The following NRCAM variants were observed in gnomAD, a reference collection of about 807,000 sequenced individuals.
The protein encoded by NRCAM is NgCAM-related cell adhesion molecule.
Under a neutral mutation model 156.5 loss-of-function variants are expected in NRCAM, and 83 were observed. The ratio of observed to expected loss-of-function variants is 0.53; its 90% CI spans 0.44 to 0.64. The LOEUF (loss-of-function observed/expected upper bound fraction) is 0.64. NRCAM is among the 30% of genes least tolerant of loss of function. The pLI is 0.00. For missense variants in NRCAM, 1,417 were observed against 1,597.3 expected, an observed-to-expected ratio of 0.89 and a Z score of 1.92; for synonymous variants, 538 against 563.9, an observed-to-expected ratio of 0.95 and a Z score of 0.65.
At chr7:108,164,779 T>C (rs965265898) in intron 30 of NRCAM, among the ~76,000 whole-genome samples, 2 of 152,218 alleles carry the variant, frequency 1.3e-5, no homozygotes, top group African/African-American at 4.8e-5. Flanking sequence ...ATTTGTTCTT[T>C]TTAATACATT....
intron 3 of NRCAM, among the ~76,000 whole-genome samples, chr7:108,292,839 C>T (rs753963162): frequency 1.1e-4 from 17 of 152,138 alleles, no homozygotes; most frequent in African/African-American, 1.7e-4. Context: ...TTTTAACTGG[C>T]GTAAAACAGC....
chr7:108,408,884 G>A (rs1299090201), intron 1 of NRCAM, among the ~76,000 whole-genome samples: 1 of 152,154 alleles, frequency 6.6e-6, no homozygotes, highest in Non-Finnish European at 1.5e-5. Flanking sequence ...GACTGTAGAG[G>A]CGGGGCGGGT....
chr7:108,247,271 A>G (rs751831191), intron 3 of NRCAM, among the ~76,000 whole-genome samples: 1 of 152,224 alleles, frequency 6.6e-6, no homozygotes, highest in African/African-American at 2.4e-5. Context: ...AATTAAGATA[A>G]ACTGAGATTG....
chr7:108,300,388 T>C (rs2098577142), intron 3 of NRCAM, among the ~76,000 whole-genome samples: 1 of 152,010 alleles, frequency 6.6e-6, no homozygotes, highest in Non-Finnish European at 1.5e-5. Context: ...AATAAAATGT[T>C]AGAGGATACC....
intron 3 of NRCAM, among the ~76,000 whole-genome samples, chr7:108,266,305 A>G (rs2097101740): frequency 6.6e-6 from 1 of 152,200 alleles, no homozygotes; most frequent in African/African-American, 2.4e-5. Flanking sequence ...CATTTCCTAA[A>G]GTTGTATCCA....
intron 1 of NRCAM, among the ~76,000 whole-genome samples, chr7:108,453,720 A>G (rs1853234263): frequency 1.3e-5 from 2 of 152,248 alleles, no homozygotes; most frequent in Admixed American, 6.5e-5. Flanking sequence ...TAGGATTATG[A>G]ATGCAAAATA....
In NRCAM at chr7:108,227,615, G is replaced by T. The variant is rs544235738; in HGVS notation, c.551-1237C>A. Reference sequence around the variant, plus strand: ...TGCAGGGAGGTGGAACGATTGATCTGTGTGTGAGTTCACACTTAGCCAGCT... The same window carrying T: ...TGCAGGGAGGTGGAACGATTGATCTTTGTGTGAGTTCACACTTAGCCAGCT... On this transcript the variant is annotated intron_variant, in intron 8 of 32. Coordinates refer to ENST00000379028, the MANE Select transcript of NRCAM (RefSeq NM_001037132.4). Among the ~76,000 whole-genome samples the T allele has an allele frequency of 1.7e-3, 261 of 152,266 alleles. 2 individuals are homozygous for T. Among genetic ancestry groups the T allele is most frequent in the African/African-American group, 5.5e-3 (227 of 41,554 alleles).
intron 32 of NRCAM, among the ~76,000 whole-genome samples, chr7:108,153,478 G>C (rs1219493420): frequency 1.3e-5 from 2 of 152,118 alleles, no homozygotes; most frequent in East Asian, 1.9e-4. Context: ...ACCTGATTAA[G>C]GGTAGCAACA....
chr7:108,227,934 C>T (rs1159064242), intron 8 of NRCAM, among the ~76,000 whole-genome samples: 1 of 152,146 alleles, frequency 6.6e-6, no homozygotes, highest in Non-Finnish European at 1.5e-5. Context: ...ATCGGTTCAT[C>T]ATGTTAATCA....
chr7:108,202,640 T>C (rs2078800021), intron 13 of NRCAM, among the ~76,000 whole-genome samples: 1 of 152,210 alleles, frequency 6.6e-6, no homozygotes, highest in Non-Finnish European at 1.5e-5. Flanking sequence ...AGCCCCTTAG[T>C]TTTGTGAAAA....
rs1208449822 is a variant in NRCAM, at chr7:108,226,359, T to G, written c.570A>C (p.Gln190His). Residue 190 changes from glutamine (Q) to histidine (H), a missense_variant, in exon 9 of 33, where the codon CAA (glutamine) becomes CAC (histidine). Gln to His is a conservative substitution (Grantham distance 24, BLOSUM62 0). Coordinates refer to ENST00000379028, the MANE Select transcript of NRCAM (RefSeq NM_001037132.4). ...TCAAACCTTGAGAAACTCTCTCACT[T>G]TGTGGAAGTCTTTGAAAGGCTGGAG... ...WMDNSFQRLP[Q>H]SERVSQGLNG... is the part of the protein sequence containing the mutation. 2 of 1,612,628 alleles carry G rather than the reference T, an allele frequency of 1.2e-6. No homozygotes were observed. The highest frequency in any genetic ancestry group is 1.7e-5 in the Admixed American group (1 of 59,896).
chr7:108,240,028 A>G lies in NRCAM; in HGVS notation c.37T>C (p.Ser13Pro). 1 of 1,613,386 alleles carries G rather than the reference A, an allele frequency of 6.2e-7. No individual in the cohort carries two copies. Among genetic ancestry groups the G allele is most frequent in the Non-Finnish European group, 8.5e-7 (1 of 1,179,460 alleles). ...AGAATCAGGGGCACTCTGCCCGCAG[A>G]TAAGCGCTTCTTTTTCGGCATTATT... ...LKIMPKKKRL[S>P]AGRVPLILFL... The change falls in exon 4 of 33, where the codon TCT (serine) becomes CCT (proline). Residue 13 changes from serine (S) to proline (P), a missense_variant. Around this residue, in one of 2 missense-constraint regions of NRCAM, gnomAD observed 1,238 missense variants for 1,336.4 expected, o/e 0.93. Transcript: ENST00000379028.
intron 3 of NRCAM, among the ~76,000 whole-genome samples, chr7:108,247,981 T>C (rs996034972): frequency 1.3e-5 from 2 of 152,198 alleles, no homozygotes; most frequent in African/African-American, 4.8e-5. Context: ...AGTAGGAAAC[T>C]GCTCTAAAAG....
At chr7:108,154,612 C>G (rs575495917) in intron 32 of NRCAM, among the ~76,000 whole-genome samples, 2 of 152,144 alleles carry the variant, frequency 1.3e-5, no homozygotes, top group African/African-American at 4.8e-5. Flanking sequence ...CCTCCTCCAA[C>G]AGAGTCTTTC....
chr7:108,299,370 GC>G (rs1224668361), intron 3 of NRCAM, among the ~76,000 whole-genome samples: 2 of 151,970 alleles, frequency 1.3e-5, no homozygotes, highest in Non-Finnish European at 2.9e-5. Context: ...TAAAAAGTGA[GC>G]TTTCATTACC....
At chr7:108,195,672 TG>T in intron 15 of NRCAM, 88 bp downstream of exon 15, 2 of 690,620 alleles carry the variant, frequency 2.9e-6, no homozygotes, top group Non-Finnish European at 5.0e-6. Context: ...TTTCCCTGTT[TG>T]TTTTTTGAAT....
rs534028014 is a variant in NRCAM at position 108,281,958 on chromosome 7, T to C, written c.-107+30707A>G. Among the ~76,000 whole-genome samples the C allele has an allele frequency of 4.6e-5, 7 of 152,300 alleles. No homozygotes were observed. The South Asian group carries it at 1.2e-3, about 27-fold the overall frequency. On this transcript the variant is annotated intron_variant, in intron 3 of 32. Transcript: ENST00000379028. ...AGAACTGCCCCACAGAGCAGAAGTG[T>C]AGGAGCAACTGTGGGAAAAATTAAA...
chr7:108,244,069 T>C (rs2095727035), intron 3 of NRCAM, among the ~76,000 whole-genome samples: 1 of 152,190 alleles, frequency 6.6e-6, no homozygotes, highest in Admixed American at 6.5e-5. Flanking sequence ...AAGTCTTGTC[T>C]TTAGAAGGAA....
At chr7:108,369,327 A>G (rs1244364573) in intron 2 of NRCAM, among the ~76,000 whole-genome samples, 1 of 152,146 alleles carries the variant, frequency 6.6e-6, no homozygotes, top group Non-Finnish European at 1.5e-5. Context: ...GCAAATTTGT[A>G]CATTTATCAG....
Sources: gnomAD v4.1 joint callset for allele counts (sites outside exome capture counted in the v4.1 genomes callset) on GRCh38, gnomAD v4.1.1 for gene constraint, gnomAD v4.1.1 regional missense constraint, MANE v1.5 for transcripts, NCBI Gene and HGNC (gene_info 2026-07-23, HGNC 2026-07-21) for gene names.